GRIK1: variants seen among roughly 807,000 people sequenced by gnomAD.
GRIK1 encodes glutamate receptor ionotropic, kainate 1.
GRIK1 carries 69 observed loss-of-function variants against 105.7 expected under a neutral mutation model. That is an observed-to-expected ratio of 0.65 (90% confidence interval 0.54 to 0.80). The LOEUF (loss-of-function observed/expected upper bound fraction) is 0.80, where lower values mean the gene tolerates loss of function less well. Among genes scored for constraint, GRIK1 ranks in the 30% least tolerant of loss-of-function variants. The probability of loss-of-function intolerance (pLI) is 0.00; values close to 1 mark genes in which losing one functional copy is unlikely to be tolerated. For missense variants in GRIK1, 1,109 were observed against 1,167.3 expected (o/e 0.95, Z 0.73); for synonymous variants, 438 against 431.3 (o/e 1.02, Z -0.19).
At chr21:29,676,665 A>G (rs925178987) in intron 3 of GRIK1, among the ~76,000 whole-genome samples, 2 of 152,190 alleles carry the variant, frequency 1.3e-5, no homozygotes, top group African/African-American at 4.8e-5. Context: ...TAATGCTGAT[A>G]ACGTGAATTT....
chr21:29,648,706 C>G (rs2062666376), intron 6 of GRIK1, among the ~76,000 whole-genome samples: 1 of 151,816 alleles, frequency 6.6e-6, no homozygotes, highest in African/African-American at 2.4e-5. Context: ...CACGTCAGGT[C>G]ATAAGGGCTA....
chr21:29,772,251 T>C (rs556425701), intron 1 of GRIK1, among the ~76,000 whole-genome samples: 1 of 152,318 alleles, frequency 6.6e-6, no homozygotes, highest in East Asian at 1.9e-4. Flanking sequence ...TTTTTGTTCA[T>C]TATTGAAGAA....
chr21:29,864,994 T>G (rs1223417792), intron 1 of GRIK1, among the ~76,000 whole-genome samples: 1 of 152,192 alleles, frequency 6.6e-6, no homozygotes, highest in East Asian at 1.9e-4. Flanking sequence ...AGTCCCACAA[T>G]GAAGCATTAT....
At chr21:29,811,170 T>G (rs2066999956) in intron 1 of GRIK1, among the ~76,000 whole-genome samples, 1 of 152,066 alleles carries the variant, frequency 6.6e-6, no homozygotes, top group Non-Finnish European at 1.5e-5. Flanking sequence ...ATTAGATTCT[T>G]TGGAAACTAA....
At chr21:29,879,522 A>G (rs2069317270) in intron 1 of GRIK1, among the ~76,000 whole-genome samples, 1 of 151,998 alleles carries the variant, frequency 6.6e-6, no homozygotes, top group Non-Finnish European at 1.5e-5. Context: ...CCACTTTAAG[A>G]GAAAGTATTT....
intron 1 of GRIK1, among the ~76,000 whole-genome samples, chr21:29,708,120 A>C (rs1167069269): frequency 6.6e-6 from 1 of 152,216 alleles, no homozygotes; most frequent in Admixed American, 6.5e-5. Flanking sequence ...CACCATGTAG[A>C]AATGCCCAAC....
At chr21:29,550,751 G>A (rs2146112609) in intron 16 of GRIK1, among the ~76,000 whole-genome samples, 1 of 152,274 alleles carries the variant, frequency 6.6e-6, no homozygotes, top group East Asian at 1.9e-4. Context: ...ATAAATTTTA[G>A]TTACTGCCCA....
intron 1 of GRIK1, among the ~76,000 whole-genome samples, chr21:29,742,912 G>A (rs1290397175): frequency 2.0e-5 from 3 of 152,256 alleles, no homozygotes; most frequent in East Asian, 3.9e-4. Flanking sequence ...ACAGGCTTGA[G>A]TCTGTTTCTG....
intron 7 of GRIK1, among the ~76,000 whole-genome samples, chr21:29,602,125 A>T (rs1178256710): frequency 6.6e-6 from 1 of 152,222 alleles, no homozygotes; most frequent in East Asian, 1.9e-4. Flanking sequence ...TTTTTAGGCC[A>T]CAGAGAAATG....
chr21:29,768,304 G>A (rs2065725926), intron 1 of GRIK1, among the ~76,000 whole-genome samples: 5 of 152,160 alleles, frequency 3.3e-5, no homozygotes, highest in Admixed American at 6.5e-5. Flanking sequence ...AAAATCTGAT[G>A]CCAATGATCT....
rs1601830522 is a variant in GRIK1, at chr21:29,842,903, C to T, written c.118+96480G>A. Reference sequence around the variant, plus strand: ...CTTCCTTTCCAGAGATCATATGTTGCATTTAATGACTGATTGCAGAATAGT... The same window carrying T: ...CTTCCTTTCCAGAGATCATATGTTGTATTTAATGACTGATTGCAGAATAGT... On this transcript the variant is annotated intron_variant, in intron 1 of 17. Coordinates refer to ENST00000327783, the MANE Select transcript of GRIK1 (RefSeq NM_001330994.2). Among the ~76,000 whole-genome samples the T allele has an allele frequency of 3.3e-5, 5 of 152,136 alleles. No individual in the cohort carries two copies. In the East Asian group the frequency reaches 9.6e-4, roughly 29 times the overall value.
At chr21:29,897,008 TA>T (rs1569199626) in intron 1 of GRIK1, among the ~76,000 whole-genome samples, 1 of 152,132 alleles carries the variant, frequency 6.6e-6, no homozygotes, top group African/African-American at 2.4e-5. Flanking sequence ...CCCCTTAACC[TA>T]AAAAACTCAA....
intron 16 of GRIK1, among the ~76,000 whole-genome samples, chr21:29,544,421 T>C (rs1024345991): frequency 6.6e-6 from 1 of 152,208 alleles, no homozygotes; most frequent in Non-Finnish European, 1.5e-5. Flanking sequence ...GATAATGTCA[T>C]GGAAAACTTT....
At chr21:29,697,945 T>G (rs2063739447) in intron 1 of GRIK1, among the ~76,000 whole-genome samples, 1 of 137,990 alleles carries the variant, frequency 7.2e-6, no homozygotes, top group Admixed American at 7.1e-5. Flanking sequence ...TTTCTTTCTT[T>G]CTTTTTTCTT....
intron 1 of GRIK1, among the ~76,000 whole-genome samples, chr21:29,816,556 A>G (rs1281755616): frequency 6.6e-6 from 1 of 152,164 alleles, no homozygotes; most frequent in Non-Finnish European, 1.5e-5. Flanking sequence ...CCAACAACAG[A>G]TTAATGGGTA....
intron 1 of GRIK1, among the ~76,000 whole-genome samples, chr21:29,695,851 C>G (rs989237951): frequency 6.6e-6 from 1 of 152,052 alleles, no homozygotes; most frequent in Non-Finnish European, 1.5e-5. Context: ...CCTAACTTGT[C>G]TATGCTAGGT....
In GRIK1 at chr21:29,747,196, T is replaced by C. The variant is rs139864559; in HGVS notation, c.119-53133A>G. On this transcript the variant is annotated intron_variant, in intron 1 of 17. Transcript: ENST00000327783. ...AAGACTTGATTGTAACCTGCCTGAA[T>C]GTATTAGAGTACTAAGAAAGAATAT... 9.1e-3 allele frequency among the ~76,000 whole-genome samples: 1,384 copies of C among 152,332 alleles called. 6 individuals carry two copies. Among genetic ancestry groups the C allele is most frequent in the Middle Eastern group, 0.017 (5 of 294 alleles).
At chr21:29,629,219 T>TGTGTGTGTGTGG (rs1555853114) in intron 7 of GRIK1, among the ~76,000 whole-genome samples, 12 of 151,008 alleles carry the variant, frequency 7.9e-5, no homozygotes, top group African/African-American at 2.0e-4. Flanking sequence ...TGTGTGTGTG[T>TGTGTGTGTGTGG]GTGTGTGTGT....
intron 7 of GRIK1, among the ~76,000 whole-genome samples, chr21:29,615,456 C>A (rs1234955804): frequency 6.6e-6 from 1 of 152,092 alleles, no homozygotes; most frequent in Non-Finnish European, 1.5e-5. Context: ...ATTACAGGCA[C>A]CTGCCATCAT....
Sources: allele counts gnomAD v4.1 joint callset (sites outside exome capture counted in the v4.1 genomes callset), GRCh38; gene constraint gnomAD v4.1.1; transcripts MANE v1.5; gene names NCBI Gene and HGNC (gene_info 2026-07-23, HGNC 2026-07-21).